Variants in CIDEA observed in about 807,000 individuals in gnomAD.
CIDEA encodes the protein cell death inducing DFFA like effector a.
A neutral mutation model predicts 18.2 loss-of-function variants in CIDEA; 10 were observed. That is an observed-to-expected ratio of 0.55 (90% CI 0.34 to 0.93). The LOEUF (loss-of-function observed/expected upper bound fraction) is 0.93. Ranked by LOEUF, CIDEA falls within the 40% of genes least tolerant of loss-of-function variation. The probability of loss-of-function intolerance (pLI) is 0.02; values close to 1 mark genes in which losing one functional copy is unlikely to be tolerated. For missense variants in CIDEA, 309 were observed against 293.1 expected, an observed-to-expected ratio of 1.05 and a Z score of -0.40; for synonymous variants, 128 against 124.8, an observed-to-expected ratio of 1.03 and a Z score of -0.17.
chr18:12,268,295 G>C (rs1287841833), intron 3 of CIDEA, among the ~76,000 whole-genome samples: 1 of 142,994 alleles, frequency 7.0e-6, no homozygotes, highest in East Asian at 2.1e-4. Context: ...GGCCAGGCTG[G>C]TCTCGAACTC....
intron 1 of CIDEA, 120 bp from the exon 2 acceptor site, chr18:12,262,705 C>A (rs140435324): frequency 7.3e-6 from 7 of 963,122 alleles, no homozygotes; most frequent in East Asian, 2.5e-5. Context: ...TTTAGTAATC[C>A]CAACAACTGA....
chr18:12,268,614 C>G (rs895375337), intron 3 of CIDEA, among the ~76,000 whole-genome samples: 1 of 151,530 alleles, frequency 6.6e-6, no homozygotes, highest in Non-Finnish European at 1.5e-5. Flanking sequence ...GCTTCAAACT[C>G]CTGGTTTCAA....
intron 3 of CIDEA, among the ~76,000 whole-genome samples, chr18:12,271,088 G>C (rs992559850): frequency 6.6e-6 from 1 of 151,734 alleles, no homozygotes; most frequent in African/African-American, 2.4e-5. Context: ...TAGTAGAGAC[G>C]GGGTTTCGCC....
At chr18:12,254,751 G>T (rs1192433416) in intron 1 of CIDEA, 8 of 1,418,892 alleles carry the variant, frequency 5.6e-6, no homozygotes, top group South Asian at 1.2e-5. Context: ...TGCATCTCTG[G>T]CCGCTGCTGC....
intron 3 of CIDEA, among the ~76,000 whole-genome samples, chr18:12,273,891 A>T (rs1912621113): frequency 6.6e-6 from 1 of 152,238 alleles, no homozygotes; most frequent in South Asian, 2.1e-4. Flanking sequence ...GATCAGGGAC[A>T]GACGCCTCGT....
At chr18:12,259,723 T>C (rs1598774444) in intron 1 of CIDEA, among the ~76,000 whole-genome samples, 2 of 152,138 alleles carry the variant, frequency 1.3e-5, no homozygotes, top group East Asian at 3.9e-4. Flanking sequence ...TAGCCAGGCA[T>C]GGTAGCGGGC....
intron 3 of CIDEA, among the ~76,000 whole-genome samples, chr18:12,267,007 C>T (rs1371349108): frequency 6.6e-6 from 1 of 152,188 alleles, no homozygotes; most frequent in Non-Finnish European, 1.5e-5. Context: ...GATCCACCTG[C>T]CTCGGCCTCC....
chr18:12,259,541 G>T (rs1417158481), intron 1 of CIDEA, among the ~76,000 whole-genome samples: 1 of 152,164 alleles, frequency 6.6e-6, no homozygotes, highest in Admixed American at 6.5e-5. Context: ...TCCTTGCAAG[G>T]TTGTGAGGAT....
At chr18:12,274,675 T>C (rs967128055) in intron 4 of CIDEA, among the ~76,000 whole-genome samples, 1 of 152,218 alleles carries the variant, frequency 6.6e-6, no homozygotes, top group Admixed American at 6.5e-5. Context: ...ATGTATCTCC[T>C]GTACTCCTGA....
intron 3 of CIDEA, 111 bp downstream of exon 3, chr18:12,264,564 C>G: frequency 1.3e-6 from 1 of 745,446 alleles, no homozygotes. Flanking sequence ...TTTTTTTTTT[C>G]TTTTTTTGAG....
chr18:12,254,769 G>A (rs1172976493), intron 1 of CIDEA: 3 of 1,386,844 alleles, frequency 2.2e-6, no homozygotes, highest in East Asian at 4.0e-5. Flanking sequence ...TGCAGTCGCG[G>A]GCGCAGAAGA....
chr18:12,260,668 A>G (rs1225349251), intron 1 of CIDEA, among the ~76,000 whole-genome samples: 1 of 152,232 alleles, frequency 6.6e-6, no homozygotes, highest in Admixed American at 6.5e-5. Context: ...GCATGGATAG[A>G]TGGCTGTGTG....
rs367613138 is a variant in CIDEA at position 12,277,222 on chromosome 18, G to A, written c.612G>A (p.Glu204=). 1 of 1,614,218 alleles carries A rather than the reference G, an allele frequency of 6.2e-7. No individual in the cohort carries two copies. Among genetic ancestry groups the A allele is most frequent in the Non-Finnish European group, 8.5e-7 (1 of 1,180,050 alleles). The stretch of plus-strand genomic sequence containing the variant: ...TCCGGGTGCTGGATGACAAGGAAGA[G>A]CGGCCATCCCTCCGGTCACAAGCCA... ...YMLRVLDDKE[E]RPSLRSQAKG... The change falls in exon 5 of 5, where the codon GAG becomes GAA. Residue 204 remains glutamate, a synonymous_variant. Transcript: ENST00000320477.
intron 1 of CIDEA, among the ~76,000 whole-genome samples, chr18:12,259,317 C>G (rs1005470029): frequency 6.6e-6 from 1 of 152,242 alleles, no homozygotes; most frequent in Admixed American, 6.5e-5. Flanking sequence ...AGCCATAGAG[C>G]AGCTTTTCCG....
chr18:12,277,431 A>T lies in CIDEA; in HGVS notation c.*161A>T. On this transcript the variant is annotated 3_prime_UTR_variant, in exon 5 of 5. Coordinates refer to ENST00000320477, the MANE Select transcript of CIDEA (RefSeq NM_001279.4). ...AGAAAAGGAAAGGGCTTGGTGGTAC[A>T]TGAAGTGGGGGCAGTGGGCAGGGTG... 4 of 641,406 alleles carry T rather than the reference A, an allele frequency of 6.2e-6. No individual in the cohort carries two copies. Among genetic ancestry groups the T allele is most frequent in the Non-Finnish European group, 9.8e-6 (4 of 408,264 alleles). 39.7% of individuals were successfully genotyped at this position (641,406 alleles called of 1,614,324 possible).
At chr18:12,254,988 G>A (rs997580702) in intron 1 of CIDEA, 5 of 1,185,730 alleles carry the variant, frequency 4.2e-6, no homozygotes, top group African/African-American at 3.2e-5. Context: ...GCTCCTCCTT[G>A]CCTCCGGGTC....
intron 3 of CIDEA, among the ~76,000 whole-genome samples, chr18:12,270,797 C>T (rs1422173742): frequency 6.7e-6 from 1 of 149,978 alleles, no homozygotes; most frequent in Non-Finnish European, 1.5e-5. Flanking sequence ...TATTGGTCTG[C>T]ATGGCTTTTT....
intron 1 of CIDEA, among the ~76,000 whole-genome samples, chr18:12,256,862 C>T (rs936148285): frequency 6.6e-6 from 1 of 152,182 alleles, no homozygotes; most frequent in Non-Finnish European, 1.5e-5. Flanking sequence ...ATGTATTGAA[C>T]ACTTGATAAT....
At chr18:12,254,779 A>C in intron 1 of CIDEA, 1 of 1,373,322 alleles carries the variant, frequency 7.3e-7, no homozygotes, top group Non-Finnish European at 9.7e-7. Context: ...GGCGCAGAAG[A>C]GGGTCCGGTC....
Sources: allele counts gnomAD v4.1 joint callset (sites outside exome capture counted in the v4.1 genomes callset), GRCh38; gene constraint gnomAD v4.1.1; transcripts MANE v1.5; gene names NCBI Gene and HGNC (gene_info 2026-07-23, HGNC 2026-07-21).